CC2D2B: variants seen among roughly 807,000 people sequenced by gnomAD.
CC2D2B encodes coiled-coil and C2 domain containing 2B.
CC2D2B carries 128 observed loss-of-function variants against 161.2 expected under a neutral mutation model. The observed-to-expected ratio is 0.79, with a 90% CI of 0.69 to 0.92. The LOEUF is 0.92. Ranked by LOEUF, CC2D2B falls within the 40% of genes least tolerant of loss-of-function variation. The pLI, the probability that CC2D2B is intolerant of heterozygous loss-of-function variation, is 0.00. For missense variants in CC2D2B, 1,173 were observed against 1,375.1 expected, an observed-to-expected ratio of 0.85 and a Z score of 2.32; for synonymous variants, 391 against 449.8, an observed-to-expected ratio of 0.87 and a Z score of 1.65.
intron 17 of CC2D2B, among the ~76,000 whole-genome samples, chr10:95,976,661 GTTACTCATTCATTCAC>G (rs2077326146): frequency 6.6e-6 from 1 of 152,200 alleles, no homozygotes; most frequent in Non-Finnish European, 1.5e-5. Flanking sequence ...AGGCAGTTTT[GTTACTCATTCATTCAC>G]TTACTCATTC....
At chr10:95,940,874 A>G (rs1175155307) in intron 9 of CC2D2B, among the ~76,000 whole-genome samples, 1 of 152,170 alleles carries the variant, frequency 6.6e-6, no homozygotes, top group Non-Finnish European at 1.5e-5. Flanking sequence ...TGGAAAAAAA[A>G]TCCAATAATT....
chr10:95,963,096 T>A (rs2076823303), intron 12 of CC2D2B, among the ~76,000 whole-genome samples: 1 of 152,166 alleles, frequency 6.6e-6, no homozygotes, highest in Non-Finnish European at 1.5e-5. Context: ...TGGCTTCAAT[T>A]TGTCTCTCCA....
rs1270646367 is a variant in CC2D2B at position 95,934,432 on chromosome 10, G to C, written c.337-3559G>C. The stretch of plus-strand genomic sequence containing the variant: ...TTGTTGGCGTTCCAGGCACCACTGG[G>C]GTATGAAAAAAAAAAAACAAACAAA... On this transcript the variant is annotated intron_variant, in intron 6 of 34. Coordinates refer to ENST00000646931, the MANE Select transcript of CC2D2B (RefSeq NM_001349008.3). Among the ~76,000 whole-genome samples, 4 of 117,378 alleles carry C rather than the reference G, an allele frequency of 3.4e-5. No homozygotes were observed. In the East Asian group the frequency reaches 1.2e-3, roughly 36 times the overall value. The allele number at this position is 117,378 out of a possible 152,430, so 77.0% of individuals were successfully genotyped here.
At chr10:96,029,674 T>C (rs2079981851) in intron 34 of CC2D2B, among the ~76,000 whole-genome samples, 1 of 152,108 alleles carries the variant, frequency 6.6e-6, no homozygotes, top group Non-Finnish European at 1.5e-5. Context: ...AGTCCAGAGA[T>C]GCTCAAGTCC....
At chr10:95,975,101 G>T (rs551945402) in intron 17 of CC2D2B, among the ~76,000 whole-genome samples, 1 of 152,216 alleles carries the variant, frequency 6.6e-6, no homozygotes, top group East Asian at 1.9e-4. Context: ...TATGGGGATG[G>T]GGTACATGGG....
At chr10:95,971,319 G>A (rs1037676421) in intron 15 of CC2D2B, among the ~76,000 whole-genome samples, 2 of 151,348 alleles carry the variant, frequency 1.3e-5, no homozygotes, top group Non-Finnish European at 2.9e-5. Flanking sequence ...AACCCAGGAG[G>A]CGGAGGTTGC....
chr10:95,937,356 A>G (rs2075860229), intron 6 of CC2D2B, among the ~76,000 whole-genome samples: 1 of 152,182 alleles, frequency 6.6e-6, no homozygotes, highest in South Asian at 2.1e-4. Flanking sequence ...TTTTGCTTTC[A>G]TGAATAGACT....
At chr10:95,949,682 TAGTA>T (rs1346570963) in intron 9 of CC2D2B, among the ~76,000 whole-genome samples, 3 of 145,074 alleles carry the variant, frequency 2.1e-5, no homozygotes, top group African/African-American at 7.8e-5. Flanking sequence ...AAAAAAAAAA[TAGTA>T]AGATGATTAA....
In CC2D2B at chr10:95,992,914, A is replaced by G. The variant is rs542599815; in HGVS notation, c.2642+217A>G. Reference sequence around the variant, plus strand: ...TCGAGATTCCCAGAGTAACTTTAACATGTATATTTTGAGGGTATTGGCTGC... The same window carrying G: ...TCGAGATTCCCAGAGTAACTTTAACGTGTATATTTTGAGGGTATTGGCTGC... On this transcript the variant is annotated intron_variant, in intron 22 of 34. Coordinates refer to ENST00000646931, the MANE Select transcript of CC2D2B (RefSeq NM_001349008.3). The G allele has an allele frequency of 5.7e-4, 197 of 343,806 alleles. 3 individuals carry two copies. In the South Asian group the frequency reaches 0.01, roughly 18 times the overall value. 21.3% of individuals were successfully genotyped at this position (343,806 alleles called of 1,614,324 possible). A position where few individuals can be genotyped will look rare whatever the true frequency, so the allele number is the denominator to read the frequency against.
rs781448921 is a variant in CC2D2B, at chr10:95,927,271, G to C, written c.275G>C (p.Ser92Thr). The change falls in exon 6 of 35, where the codon AGT (serine) becomes ACT (threonine). Residue 92 changes from serine (S) to threonine (T), a missense_variant. By Grantham distance (58) the Ser-to-Thr change is moderately conservative. Around this residue, in one of 3 missense-constraint regions of CC2D2B, gnomAD observed 298 missense variants for 261.2 expected, o/e 1.14. Transcript: ENST00000646931. ...SPQTEVSLDESLSFFILSGEE... is the reference protein window; with the variant it reads ...SPQTEVSLDETLSFFILSGEE... ...CAGACTGAAGTCTCATTGGATGAAA[G>C]TCTTTCATTTTTCATTCTGAGTGGT... The C allele has an allele frequency of 6.4e-7, 1 of 1,551,112 alleles. No individual in the cohort carries two copies. The highest frequency in any genetic ancestry group is 8.7e-7 in the Non-Finnish European group (1 of 1,146,288).
At chr10:95,986,657 C>A (rs112577420) in intron 19 of CC2D2B, among the ~76,000 whole-genome samples, 2 of 152,126 alleles carry the variant, frequency 1.3e-5, no homozygotes, top group African/African-American at 4.8e-5. Context: ...AGTGCAATGG[C>A]GTGATCTCGG....
rs1272842262 is a variant in CC2D2B at position 95,922,022 on chromosome 10, G to A, written c.43G>A (p.Glu15Lys). The change falls in exon 3 of 35, where the codon GAA becomes AAA. Residue 15 changes from glutamate (E) to lysine (K), a missense_variant. Transcript: ENST00000646931. The part of the protein sequence containing the change: ...QREDIFKKMS[E>K]EMDNITAEEI... Reference sequence around the variant, plus strand: ...CTCCCTGCTTTTTTTGCAGATGTCAGAAGAGATGGATAATATTACAGCTGA... The same window carrying A: ...CTCCCTGCTTTTTTTGCAGATGTCAAAAGAGATGGATAATATTACAGCTGA... 5.2e-6 allele frequency: 8 copies of A among 1,539,618 alleles called. No homozygotes were observed. Among genetic ancestry groups the A allele is most frequent in the Non-Finnish European group, 6.1e-6 (7 of 1,139,408 alleles).
At position 95,950,115 on chromosome 10, in the gene CC2D2B, G is replaced by A. The variant is rs373692068; in HGVS notation, c.1011+10G>A. ...GCTGCTTTATGAGAAGGTGAGAATG[G>A]CTTTCATTATAAAGCTAAACATTTA... On this transcript the variant is annotated intron_variant, in intron 10 of 34. Coordinates refer to ENST00000646931, the MANE Select transcript of CC2D2B (RefSeq NM_001349008.3). The A allele has an allele frequency of 4.8e-4, 192 of 398,676 alleles. 1 individual carries two copies. The South Asian group carries it at 8.7e-3, about 18-fold the overall frequency. 24.7% of individuals were successfully genotyped at this position (398,676 alleles called of 1,614,324 possible).
At chr10:95,975,364 C>T (rs576798426) in intron 17 of CC2D2B, among the ~76,000 whole-genome samples, 2 of 152,148 alleles carry the variant, frequency 1.3e-5, no homozygotes, top group South Asian at 4.2e-4. Flanking sequence ...GAGAAAAAAG[C>T]TAAATGGCAG....
In CC2D2B at chr10:95,927,331, A is replaced by G; in HGVS notation, c.335A>G (p.Gln112Arg). The G allele has an allele frequency of 6.5e-7, 1 of 1,540,358 alleles. No individual in the cohort carries two copies. The highest frequency in any genetic ancestry group is 8.8e-7 in the Non-Finnish European group (1 of 1,137,684). Residue 112 changes from glutamine (Q) to arginine (R), a missense_variant and splice_region_variant, in exon 6 of 35, where the codon CAG becomes CGG. Around this residue, in one of 3 missense-constraint regions of CC2D2B, gnomAD observed 298 missense variants for 261.2 expected, o/e 1.14. Coordinates refer to ENST00000646931, the MANE Select transcript of CC2D2B (RefSeq NM_001349008.3). The part of the protein sequence containing the change: ...EGSALGKSSE[Q>R]RPVNRSYPKC... ...TCAGCTTTGGGCAAGTCTTCAGAGC[A>G]GGTTGGATTTGTTTGCCTCCCTCCC...
chr10:95,961,887 A>G lies in CC2D2B; in HGVS notation c.1168A>G (p.Ile390Val), dbSNP rs1201299480. The G allele has an allele frequency of 4.9e-5, 60 of 1,231,200 alleles. No individual in the cohort carries two copies. Among genetic ancestry groups the G allele is most frequent in the Non-Finnish European group, 5.3e-5 (52 of 987,316 alleles). The allele number at this position is 1,231,200 out of a possible 1,614,324, so 76.3% of individuals were successfully genotyped here. A position where few individuals can be genotyped will look rare whatever the true frequency, so the allele number is the denominator to read the frequency against. Residue 390 changes from isoleucine (I) to valine (V), a missense_variant, in exon 12 of 35, where the codon ATA (isoleucine) becomes GTA (valine). Coordinates refer to ENST00000646931, the MANE Select transcript of CC2D2B (RefSeq NM_001349008.3). ...AAAGGACCTCTCCCTACTACACAGT[A>G]TATTACGAACTTGGAAACAGATTAA... ...RGKDLSLLHS[I>V]LRTWKQIKSL...
Position 96,013,199 on chromosome 10 carries a change from C to T in CC2D2B, c.3426+470C>T, listed in dbSNP as rs540082687. Among the ~76,000 whole-genome samples, 4 of 152,186 alleles carry T rather than the reference C, an allele frequency of 2.6e-5. No individual in the cohort carries two copies. In the South Asian group the frequency reaches 6.2e-4, roughly 24 times the overall value. On this transcript the variant is annotated intron_variant, in intron 28 of 34. Coordinates refer to ENST00000646931, the MANE Select transcript of CC2D2B (RefSeq NM_001349008.3). ...TACGTTAACACATTGTTTATTTGCA[C>T]CCCTTTCTCCTTTCCTAGATTAGTC...
At chr10:95,933,835 C>T (rs1199957847) in intron 6 of CC2D2B, among the ~76,000 whole-genome samples, 3 of 152,180 alleles carry the variant, frequency 2.0e-5, no homozygotes, top group African/African-American at 7.2e-5. Context: ...TGGGAAGTGT[C>T]TCCCAGTCAG....
At chr10:95,968,646 A>C in intron 14 of CC2D2B, 78 bp from the exon 15 acceptor site, 1 of 499,972 alleles carries the variant, frequency 2.0e-6, no homozygotes, top group Non-Finnish European at 3.1e-6. Context: ...TTAACATGCT[A>C]ATATACATTT....
Sources: allele counts gnomAD v4.1 joint callset (sites outside exome capture counted in the v4.1 genomes callset), GRCh38; gene constraint gnomAD v4.1.1; regional missense constraint gnomAD v4.1.1; transcripts MANE v1.5; gene names NCBI Gene and HGNC (gene_info 2026-07-23, HGNC 2026-07-21).